The following TGFA variants were observed in gnomAD, a reference collection of about 807,000 sequenced individuals.
The protein encoded by TGFA is protransforming growth factor alpha.
Under a neutral mutation model 21.7 loss-of-function variants are expected in TGFA, and 12 were observed. That is an observed-to-expected ratio of 0.55 (90% CI 0.35 to 0.90). TGFA has a LOEUF of 0.90. Ranked by LOEUF, TGFA falls within the 40% of genes least tolerant of loss-of-function variation. The pLI is 0.01. For missense variants in TGFA, 178 were observed against 210.8 expected, an observed-to-expected ratio of 0.84 and a Z score of 0.96; for synonymous variants, 79 against 88.1, an observed-to-expected ratio of 0.90 and a Z score of 0.58.
At chr2:70,514,146 A>G (rs1414816458) in intron 2 of TGFA, among the ~76,000 whole-genome samples, 1 of 152,220 alleles carries the variant, frequency 6.6e-6, no homozygotes, top group African/African-American at 2.4e-5. Flanking sequence ...ACAGCATGAC[A>G]TTTTAAGAGA....
chr2:70,545,717 A>G (rs1174804074), intron 1 of TGFA, among the ~76,000 whole-genome samples: 1 of 152,180 alleles, frequency 6.6e-6, no homozygotes, highest in African/African-American at 2.4e-5. Context: ...ATATATAAGT[A>G]AAGGTAGAAC....
In TGFA at chr2:70,457,662, C is replaced by T. The variant is rs13394091; in HGVS notation, c.216-1174G>A. 7.5e-3 allele frequency among the ~76,000 whole-genome samples: 1,145 copies of T among 152,124 alleles called. 13 individuals carry two copies. Among genetic ancestry groups the T allele is most frequent in the African/African-American group, 0.026 (1,078 of 41,486 alleles). On this transcript the variant is annotated intron_variant, in intron 3 of 5. Coordinates refer to ENST00000295400, the MANE Select transcript of TGFA (RefSeq NM_003236.4). ...GTTCAAGTGGTTCTCCTGCCTCAGC[C>T]TCCCGAGTAGCTGGGATTACAGGCA...
intron 1 of TGFA, among the ~76,000 whole-genome samples, chr2:70,535,116 A>G (rs959147912): frequency 6.6e-6 from 1 of 152,148 alleles, no homozygotes; most frequent in Non-Finnish European, 1.5e-5. Context: ...TTTGTACAAT[A>G]TGTAAGGTAC....
chr2:70,453,081 G>T, intron 5 of TGFA, 137 bp downstream of exon 5: 1 of 703,842 alleles, frequency 1.4e-6, no homozygotes, highest in South Asian at 2.1e-5. Flanking sequence ...AACTAAACCT[G>T]ACTTGGTAGA....
chr2:70,459,844 A>G (rs1427936944), intron 3 of TGFA, among the ~76,000 whole-genome samples: 1 of 152,216 alleles, frequency 6.6e-6, no homozygotes, highest in Non-Finnish European at 1.5e-5. Flanking sequence ...TCCCAGTCCC[A>G]CACAGTGAGG....
chr2:70,465,471 C>A, intron 3 of TGFA, 145 bp downstream of exon 3: 2 of 1,059,102 alleles, frequency 1.9e-6, no homozygotes, highest in East Asian at 2.7e-5. Context: ...AAAGGTGTCC[C>A]TCAGCCCCAC....
intron 2 of TGFA, among the ~76,000 whole-genome samples, chr2:70,509,730 C>A (rs782798130): frequency 6.6e-6 from 1 of 152,148 alleles, no homozygotes; most frequent in Non-Finnish European, 1.5e-5. Flanking sequence ...GGTTCCCGGG[C>A]GCCTGAGTAA....
intron 2 of TGFA, among the ~76,000 whole-genome samples, chr2:70,504,471 T>TATATATATATATATATATATAC (rs1671852460): frequency 3.4e-5 from 3 of 87,168 alleles, no homozygotes; most frequent in Non-Finnish European, 7.1e-5. Flanking sequence ...TATACACACA[T>TATATATATATATATATATATAC]ACATACATAC....
At chr2:70,498,396 G>A (rs1312472630) in intron 2 of TGFA, among the ~76,000 whole-genome samples, 2 of 152,220 alleles carry the variant, frequency 1.3e-5, no homozygotes, top group African/African-American at 2.4e-5. Context: ...AGGAAGAGGA[G>A]GAGATGAGGT....
chr2:70,504,459 T>TATATATATATATATATAC (rs1559124011), intron 2 of TGFA, among the ~76,000 whole-genome samples: 2 of 74,332 alleles, frequency 2.7e-5, no homozygotes, highest in East Asian at 8.4e-4. Context: ...TATATATATA[T>TATATATATATATATATAC]ATATACACAC....
Position 70,521,609 on chromosome 2 carries a change from G to GTTGGTTTTT in TGFA, c.41-6698_41-6697insAAAAACCAA, listed in dbSNP as rs1432347684. Among the ~76,000 whole-genome samples the GTTGGTTTTT allele has an allele frequency of 1.1e-4, 9 of 78,872 alleles. 1 individual carries two copies. Among genetic ancestry groups the GTTGGTTTTT allele is most frequent in the African/African-American group, 3.5e-4 (7 of 20,170 alleles). 51.7% of individuals were successfully genotyped at this position (78,872 alleles called of 152,430 possible). A position where few individuals can be genotyped will look rare whatever the true frequency, so the allele number is the denominator to read the frequency against. On this transcript the variant is annotated intron_variant, in intron 1 of 5. Coordinates refer to ENST00000295400, the MANE Select transcript of TGFA (RefSeq NM_003236.4). ...ACTATTGATAGTTTTTTTTGTTGTT[G>GTTGGTTTTT]TTTGTTTGTTTTTTTTTTTTTTTTT...
chr2:70,466,612 G>A (rs1399076363), intron 2 of TGFA, among the ~76,000 whole-genome samples: 2 of 152,180 alleles, frequency 1.3e-5, no homozygotes, highest in African/African-American at 4.8e-5. Flanking sequence ...CACTAAGATG[G>A]TAGCAGGGCT....
intron 1 of TGFA, among the ~76,000 whole-genome samples, chr2:70,523,598 T>G (rs942407801): frequency 6.6e-6 from 1 of 152,152 alleles, no homozygotes; most frequent in Non-Finnish European, 1.5e-5. Flanking sequence ...TCCTCCACGA[T>G]GCCCCCTGAC....
At chr2:70,536,664 C>T (rs145216927) in intron 1 of TGFA, among the ~76,000 whole-genome samples, 111 of 152,252 alleles carry the variant, frequency 7.3e-4, no homozygotes, top group Middle Eastern at 3.4e-3. Flanking sequence ...AAGAAAAATA[C>T]AACTTATCAA....
intron 1 of TGFA, among the ~76,000 whole-genome samples, chr2:70,549,478 T>A (rs1673419872): frequency 6.6e-6 from 1 of 152,114 alleles, no homozygotes; most frequent in African/African-American, 2.4e-5. Flanking sequence ...ACCTACTGAA[T>A]CACAACCGCA....
intron 1 of TGFA, among the ~76,000 whole-genome samples, chr2:70,522,754 G>T (rs1672511713): frequency 6.6e-6 from 1 of 152,182 alleles, no homozygotes; most frequent in African/African-American, 2.4e-5. Flanking sequence ...TGCAGGATGT[G>T]CAGGTTTGTT....
At chr2:70,544,560 C>G (rs531026028) in intron 1 of TGFA, among the ~76,000 whole-genome samples, 5 of 152,118 alleles carry the variant, frequency 3.3e-5, no homozygotes, top group African/African-American at 4.8e-5. Flanking sequence ...CACAGGTCCA[C>G]GAGAACTGGA....
At chr2:70,533,079 T>C (rs1672864317) in intron 1 of TGFA, among the ~76,000 whole-genome samples, 1 of 152,016 alleles carries the variant, frequency 6.6e-6, no homozygotes. Flanking sequence ...TATTGCCTGG[T>C]CTTGAACTCT....
chr2:70,512,615 C>T (rs1048993356), intron 2 of TGFA, among the ~76,000 whole-genome samples: 14 of 152,324 alleles, frequency 9.2e-5, no homozygotes, highest in Admixed American at 7.2e-4. Context: ...AGGTTGTTCA[C>T]GACTGCAAAA....
Sources: gnomAD v4.1 joint callset for allele counts (sites outside exome capture counted in the v4.1 genomes callset) on GRCh38, gnomAD v4.1.1 for gene constraint, MANE v1.5 for transcripts, NCBI Gene and HGNC (gene_info 2026-07-23, HGNC 2026-07-21) for gene names.